Variants in STX6 observed in about 807,000 individuals in gnomAD.
STX6 encodes the protein syntaxin-6.
In STX6, 23 loss-of-function variants were observed where a neutral mutation model predicts 38.0. The ratio of observed to expected loss-of-function variants is 0.60; its 90% CI spans 0.43 to 0.86. The LOEUF (loss-of-function observed/expected upper bound fraction) is 0.86, where lower values mean the gene tolerates loss of function less well. STX6 is among the 40% of genes least tolerant of loss of function. The probability of loss-of-function intolerance (pLI) is 0.00; values close to 1 mark genes in which losing one functional copy is unlikely to be tolerated. For synonymous variants in STX6, 123 were observed against 107.5 expected, an observed-to-expected ratio of 1.14 and a Z score of -0.89; for missense variants, 274 against 312.9, an observed-to-expected ratio of 0.88 and a Z score of 0.94.
chr1:181,009,469 CCA>C (rs1656331321), intron 1 of STX6, among the ~76,000 whole-genome samples: 2 of 83,652 alleles, frequency 2.4e-5, no homozygotes. Flanking sequence ...ACTGTTGTTT[CCA>C]AAAAAAAAAA....
chr1:181,002,270 C>G (rs1656103573), intron 3 of STX6, among the ~76,000 whole-genome samples: 1 of 151,866 alleles, frequency 6.6e-6, no homozygotes, highest in Admixed American at 6.6e-5. Flanking sequence ...CCATCTTGGT[C>G]TTCCATGTAG....
Position 181,022,845 on chromosome 1 carries a change from A to G in STX6, c.-172T>C, listed in dbSNP as rs538322290. ...TGCACAGGACGGCCGCTGGTCCAGC[A>G]CTCGCTCAGCACCACTGGCCGAATC... On this transcript the variant is annotated 5_prime_UTR_variant, in exon 1 of 8. Transcript: ENST00000258301. 1.6e-6 allele frequency: 1 copy of G among 624,844 alleles called. No individual in the cohort carries two copies. The highest frequency in any genetic ancestry group is 2.8e-6 in the Non-Finnish European group (1 of 362,750). The allele number at this position is 624,844 out of a possible 1,614,324, so 38.7% of individuals were successfully genotyped here. A position where few individuals can be genotyped will look rare whatever the true frequency, so the allele number is the denominator to read the frequency against.
At chr1:180,997,568 ATCTC>A (rs1655948882) in intron 3 of STX6, among the ~76,000 whole-genome samples, 1 of 152,176 alleles carries the variant, frequency 6.6e-6, no homozygotes, top group African/African-American at 2.4e-5. Context: ...AAAAATTTAA[ATCTC>A]TCATTAATAT....
intron 6 of STX6, among the ~76,000 whole-genome samples, chr1:180,985,156 A>G (rs1655537630): frequency 6.6e-6 from 1 of 151,988 alleles, no homozygotes; most frequent in Non-Finnish European, 1.5e-5. Context: ...AAAAAAAAAC[A>G]ACGAGATTTC....
intron 1 of STX6, among the ~76,000 whole-genome samples, chr1:181,006,236 T>G (rs933258917): frequency 6.6e-6 from 1 of 151,860 alleles, no homozygotes; most frequent in Non-Finnish European, 1.5e-5. Context: ...CTAATTTTTG[T>G]ATTTTTAGTA....
intron 6 of STX6, chr1:180,987,800 T>A (rs35306826): frequency 0.58 from 82,757 of 142,764 alleles, 23,053 homozygotes; most frequent in Admixed American, 0.62. Context: ...AAGTTTTTTT[T>A]AAAAAAAAAA....
At chr1:180,989,895 TA>T in intron 5 of STX6, 88 bp downstream of exon 5, 1 of 1,513,578 alleles carries the variant, frequency 6.6e-7, no homozygotes, top group Non-Finnish European at 9.1e-7. Flanking sequence ...TCCTTGTCAC[TA>T]AGCCACAAGA....
rs376869544 is a variant in STX6, at chr1:181,002,592, A to G, written c.300+14T>C. ...TTTCTTATACAGATAACACAATAAG[A>G]TCATATTCCTTACCCTGACAACTTG... On this transcript the variant is annotated intron_variant, in intron 3 of 7. Coordinates refer to ENST00000258301, the MANE Select transcript of STX6 (RefSeq NM_005819.6). The G allele has an allele frequency of 8.4e-5, 133 of 1,580,176 alleles. No homozygotes were observed. In the African/African-American group the frequency reaches 1.7e-3, roughly 20 times the overall value.
intron 1 of STX6, among the ~76,000 whole-genome samples, chr1:181,008,657 G>C (rs1266195053): frequency 1.4e-5 from 2 of 145,332 alleles, no homozygotes; most frequent in African/African-American, 5.1e-5. Flanking sequence ...ATCACCACCA[G>C]TTTCATCAGA....
rs372474551 is a variant in STX6 at position 180,988,040 on chromosome 1, C to G, written c.596+199G>C. On this transcript the variant is annotated intron_variant, in intron 6 of 7. Transcript: ENST00000258301. ...GTGTTTAAAAATAATAACAACTTCACCTAAAGCCTGTAGTAAAATTTACGA... is the reference window on the plus strand; with the variant it reads ...GTGTTTAAAAATAATAACAACTTCAGCTAAAGCCTGTAGTAAAATTTACGA... 14 of 458,032 alleles carry G rather than the reference C, an allele frequency of 3.1e-5. No individual in the cohort carries two copies. The Admixed American group carries it at 4.9e-4, about 16-fold the overall frequency. The allele number at this position is 458,032 out of a possible 1,614,324, so 28.4% of individuals were successfully genotyped here. A position where few individuals can be genotyped will look rare whatever the true frequency, so the allele number is the denominator to read the frequency against.
At chr1:180,993,822 A>G (rs1003659826) in intron 3 of STX6, among the ~76,000 whole-genome samples, 4 of 151,926 alleles carry the variant, frequency 2.6e-5, no homozygotes, top group African/African-American at 9.7e-5. Flanking sequence ...AAGTCACATC[A>G]CTAATAAAGA....
At chr1:180,989,787 C>G (rs1655698615) in intron 5 of STX6, among the ~76,000 whole-genome samples, 197 bp downstream of exon 5, 1 of 152,104 alleles carries the variant, frequency 6.6e-6, no homozygotes, top group African/African-American at 2.4e-5. Flanking sequence ...CCTGGCTGAG[C>G]TTGGTTCTCT....
intron 1 of STX6, among the ~76,000 whole-genome samples, chr1:181,021,079 T>C (rs1656711118): frequency 1.3e-5 from 2 of 152,038 alleles, no homozygotes; most frequent in Non-Finnish European, 2.9e-5. Flanking sequence ...ATTTAATCAG[T>C]GAGCAAGCAT....
intron 7 of STX6, among the ~76,000 whole-genome samples, chr1:180,979,773 T>C (rs1164756307): frequency 6.6e-6 from 1 of 152,152 alleles, no homozygotes; most frequent in Non-Finnish European, 1.5e-5. Flanking sequence ...CAGATTGGGG[T>C]AGAATATTTG....
chr1:180,974,744 A>AACT lies in STX6; in HGVS notation c.*1825_*1826insAGT, dbSNP rs1655203286. The AACT allele has an allele frequency of 6.6e-6, 1 of 152,662 alleles. No individual in the cohort carries two copies. Among genetic ancestry groups the AACT allele is most frequent in the Non-Finnish European group, 1.5e-5 (1 of 68,040 alleles). The allele number at this position is 152,662 out of a possible 1,614,324, so 9.5% of individuals were successfully genotyped here. ...GTTTATAGAAGATTCAAACTTTGTA[A>AACT]AACATAAATAACCTAGTACTCTAAA... On this transcript the variant is annotated 3_prime_UTR_variant, in exon 8 of 8. Transcript: ENST00000258301.
chr1:181,022,869 T>TCCCGGA lies in STX6; in HGVS notation c.-197_-196insTCCGGG. Reference sequence around the variant, plus strand: ...CACTCGCTCAGCACCACTGGCCGAATCCCGGACTCGGGCGCCGGCCCCCTC... The same window carrying TCCCGGA: ...CACTCGCTCAGCACCACTGGCCGAATCCCGGACCCGGACTCGGGCGCCGGCCCCCTC... On this transcript the variant is annotated 5_prime_UTR_variant, in exon 1 of 8. Coordinates refer to ENST00000258301, the MANE Select transcript of STX6 (RefSeq NM_005819.6). 1.8e-6 allele frequency: 1 copy of TCCCGGA among 552,558 alleles called. No homozygotes were observed. The highest frequency in any genetic ancestry group is 3.1e-6 in the Non-Finnish European group (1 of 319,172). 34.2% of individuals were successfully genotyped at this position (552,558 alleles called of 1,614,324 possible).
At chr1:180,984,525 G>A (rs1341255039) in intron 7 of STX6, 152 bp downstream of exon 7, 3 of 399,060 alleles carry the variant, frequency 7.5e-6, no homozygotes, top group African/African-American at 2.1e-5. Context: ...CTCCAGCCTG[G>A]GTGAAAGAGT....
chr1:181,015,562 G>T (rs141428805), intron 1 of STX6, among the ~76,000 whole-genome samples: 120 of 152,228 alleles, frequency 7.9e-4, no homozygotes, highest in Non-Finnish European at 1.5e-3. Flanking sequence ...AGACCTTGGG[G>T]CTCAGACATA....
chr1:181,003,781 G>A (rs1212072926), intron 2 of STX6, among the ~76,000 whole-genome samples: 1 of 151,970 alleles, frequency 6.6e-6, no homozygotes, highest in African/African-American at 2.4e-5. Context: ...TTTCCAGTTG[G>A]AAAAAAAGGC....
Sources: allele counts gnomAD v4.1 joint callset (sites outside exome capture counted in the v4.1 genomes callset), GRCh38; gene constraint gnomAD v4.1.1; transcripts MANE v1.5; gene names NCBI Gene and HGNC (gene_info 2026-07-23, HGNC 2026-07-21).